Variants in HTT observed in about 807,000 individuals in gnomAD.
HTT encodes the protein huntingtin, also known as huntington disease protein.
HTT carries 104 observed loss-of-function variants against 362.3 expected under a neutral mutation model. That is an observed-to-expected ratio of 0.29 (90% CI 0.24 to 0.34). HTT has a LOEUF of 0.34. Among genes scored for constraint, HTT ranks in the 10% least tolerant of loss-of-function variants. The pLI is 1.00. For missense variants in HTT, 3,301 were observed against 3,928.6 expected (o/e 0.84, Z 4.27); for synonymous variants, 1,577 against 1,548.7 (o/e 1.02, Z -0.43).
At chr4:3,203,476 A>G (rs1159269661) in intron 41 of HTT, among the ~76,000 whole-genome samples, 2 of 152,244 alleles carry the variant, frequency 1.3e-5, no homozygotes, top group African/African-American at 2.4e-5. Flanking sequence ...AAAAAACAAT[A>G]AAGTGAGAAG....
chr4:3,179,412 TG>T (rs982630313), intron 35 of HTT, among the ~76,000 whole-genome samples: 67 of 152,206 alleles, frequency 4.4e-4, no homozygotes, highest in African/African-American at 1.5e-3. Flanking sequence ...TGGTCATCTG[TG>T]AGAGGGTCAG....
intron 12 of HTT, 113 bp downstream of exon 12, chr4:3,127,717 A>G: frequency 5.4e-6 from 4 of 735,572 alleles, no homozygotes; most frequent in Non-Finnish European, 8.9e-6. Context: ...TAATCCCAGC[A>G]CTTTGGGAGA....
At chr4:3,181,713 A>G (rs192032199) in intron 36 of HTT, among the ~76,000 whole-genome samples, 55 of 152,284 alleles carry the variant, frequency 3.6e-4, no homozygotes, top group East Asian at 3.1e-3. Context: ...CATAATTGCA[A>G]TGCAAAAGTA....
At chr4:3,136,649 A>G (rs897112083) in intron 21 of HTT, among the ~76,000 whole-genome samples, 44 of 152,088 alleles carry the variant, frequency 2.9e-4, no homozygotes, top group Non-Finnish European at 5.6e-4. Flanking sequence ...ATCACTGTTA[A>G]TATTTTGCTA....
intron 39 of HTT, chr4:3,188,728 A>T: frequency 2.0e-6 from 1 of 489,322 alleles, no homozygotes; most frequent in South Asian, 2.4e-5. Flanking sequence ...CACAAAGCTT[A>T]AAAAAATGCT....
intron 22 of HTT, among the ~76,000 whole-genome samples, chr4:3,141,061 A>C (rs1716323418): frequency 6.6e-6 from 1 of 152,224 alleles, no homozygotes; most frequent in African/African-American, 2.4e-5. Context: ...AGGGTTATCC[A>C]CTAGTTCAGT....
intron 1 of HTT, among the ~76,000 whole-genome samples, chr4:3,081,536 T>C (rs1374442235): frequency 1.3e-5 from 2 of 151,794 alleles, no homozygotes; most frequent in Non-Finnish European, 2.9e-5. Flanking sequence ...TAGGACCACA[T>C]TTGGAAAGCA....
chr4:3,108,582 G>A (rs1714557224), intron 6 of HTT, among the ~76,000 whole-genome samples: 1 of 152,118 alleles, frequency 6.6e-6, no homozygotes, highest in Non-Finnish European at 1.5e-5. Context: ...ATGATAGATG[G>A]TATTTTTGTA....
chr4:3,179,740 G>A (rs1309441153), intron 35 of HTT, among the ~76,000 whole-genome samples: 6 of 147,554 alleles, frequency 4.1e-5, no homozygotes, highest in Non-Finnish European at 7.5e-5. Context: ...GGGTCAGAGT[G>A]TGCCTCTGTG....
rs1715721579 is a variant in HTT, at chr4:3,129,929, A to G, written c.1749A>G (p.Leu583=). 1 of 1,613,930 alleles carries G rather than the reference A, an allele frequency of 6.2e-7. No individual in the cohort carries two copies. The highest frequency in any genetic ancestry group is 1.3e-5 in the African/African-American group (1 of 74,906). The change falls in exon 13 of 67, where the codon TTA becomes TTG. Residue 583 remains leucine, a synonymous_variant. Transcript: ENST00000355072. ...GCCCCCCTTGAACCGTTTAGGTGTT[A>G]GACGGTACCGACAACCAGTATTTGG... ...VTPSDSSEIV[L]DGTDNQYLGL... is the part of the protein sequence containing the mutation.
At chr4:3,100,618 T>C (rs1345662829) in intron 3 of HTT, among the ~76,000 whole-genome samples, 1 of 152,248 alleles carries the variant, frequency 6.6e-6, no homozygotes, top group East Asian at 1.9e-4. Context: ...TGCCTGCTGA[T>C]CATTGGCACC....
Position 3,121,393 on chromosome 4 carries a change from G to A in HTT, c.1234G>A (p.Gly412Ser), listed in dbSNP as rs773952851. ...GQLTAAKEES[G>S]GRSRSGSIVE... ...GCTCACCGCTGCTAAGGAGGAGTCTGGTGGCCGAAGCCGTAGTGGGAGTAT... is the reference window on the plus strand; with the variant it reads ...GCTCACCGCTGCTAAGGAGGAGTCTAGTGGCCGAAGCCGTAGTGGGAGTAT... The change falls in exon 9 of 67, where the codon GGT becomes AGT. Residue 412 changes from glycine to serine, a missense_variant. Gly to Ser is a moderately conservative substitution (Grantham distance 56). Coordinates refer to ENST00000355072, the MANE Select transcript of HTT (RefSeq NM_001388492.1). 6.2e-7 allele frequency: 1 copy of A among 1,614,150 alleles called. No homozygotes were observed. The highest frequency in any genetic ancestry group is 1.1e-5 in the South Asian group (1 of 91,080).
intron 60 of HTT, among the ~76,000 whole-genome samples, chr4:3,231,477 C>G (rs1245632039): frequency 2.6e-5 from 4 of 152,186 alleles, no homozygotes; most frequent in Non-Finnish European, 5.9e-5. Flanking sequence ...CTGGGTCACA[C>G]AAAATGCAGC....
intron 40 of HTT, among the ~76,000 whole-genome samples, chr4:3,190,355 CA>C (rs112330064): frequency 2.2e-3 from 285 of 131,880 alleles, no homozygotes; most frequent in Middle Eastern, 4.5e-3. Flanking sequence ...AAAAAAAATC[CA>C]AAAAAAAAAA....
intron 2 of HTT, among the ~76,000 whole-genome samples, chr4:3,091,238 C>G (rs547572654): frequency 6.6e-6 from 1 of 152,212 alleles, no homozygotes; most frequent in East Asian, 1.9e-4. Flanking sequence ...ATGTGTGTAT[C>G]TGTATGAATT....
chr4:3,159,637 C>T (rs1717341366), intron 28 of HTT, among the ~76,000 whole-genome samples: 1 of 152,226 alleles, frequency 6.6e-6, no homozygotes, highest in Admixed American at 6.5e-5. Context: ...TTCTCTTTCA[C>T]AAGGGTTCTT....
intron 30 of HTT, 56 bp from the exon 31 acceptor site, chr4:3,172,852 A>T: frequency 8.5e-7 from 1 of 1,170,632 alleles, no homozygotes; most frequent in African/African-American, 1.5e-5. Context: ...TGTGTGGGAG[A>T]TTCTTAAAAG....
intron 46 of HTT, among the ~76,000 whole-genome samples, chr4:3,209,202 A>C (rs904039680): frequency 6.6e-6 from 1 of 152,126 alleles, no homozygotes; most frequent in Admixed American, 6.5e-5. Flanking sequence ...CTTCAAGCAC[A>C]TGTCAATGCC....
chr4:3,128,812 G>T (rs575637335), intron 12 of HTT: 1 of 152,074 alleles, frequency 6.6e-6, no homozygotes, highest in African/African-American at 2.4e-5. Context: ...CATTTTTTGC[G>T]TATACAGTTC....
Sources: gnomAD v4.1 joint callset for allele counts (sites outside exome capture counted in the v4.1 genomes callset) on GRCh38, gnomAD v4.1.1 for gene constraint, MANE v1.5 for transcripts, NCBI Gene and HGNC (gene_info 2026-07-23, HGNC 2026-07-21) for gene names.